The following SVEP1 variants were observed in gnomAD, a reference collection of about 807,000 sequenced individuals.
SVEP1 encodes the protein sushi, von Willebrand factor type A, EGF and pentraxin domain containing 1.
Under a neutral mutation model 367.3 loss-of-function variants are expected in SVEP1, and 164 were observed. The ratio of observed to expected loss-of-function variants is 0.45; its 90% CI spans 0.39 to 0.51. SVEP1 has a LOEUF of 0.51. Ranked by LOEUF, SVEP1 falls within the 20% of genes least tolerant of loss-of-function variation. The probability of loss-of-function intolerance (pLI) is 0.00; values close to 1 mark genes in which losing one functional copy is unlikely to be tolerated. For synonymous variants in SVEP1, 1,666 were observed against 1,611.6 expected, an observed-to-expected ratio of 1.03 and a Z score of -0.81; for missense variants, 4,117 against 4,425.3, an observed-to-expected ratio of 0.93 and a Z score of 1.98.
intron 27 of SVEP1, chr9:110,443,054 T>G (rs1332794099): frequency 3.3e-5 from 5 of 152,388 alleles, no homozygotes; most frequent in Non-Finnish European, 1.5e-5. Context: ...CCATGTACAA[T>G]GCTGAGAACC....
At chr9:110,454,392 G>T (rs1828744438) in intron 22 of SVEP1, among the ~76,000 whole-genome samples, 1 of 152,144 alleles carries the variant, frequency 6.6e-6, no homozygotes, top group Non-Finnish European at 1.5e-5. Flanking sequence ...TATGGTGAAA[G>T]GCTGGGGTTC....
At chr9:110,436,625 C>A in intron 27 of SVEP1, 121 bp from the exon 28 acceptor site, 1 of 1,380,868 alleles carries the variant, frequency 7.2e-7, no homozygotes, top group South Asian at 1.6e-5. Context: ...TACTGAAAAG[C>A]AAAATTCTGT....
At chr9:110,399,581 T>C (rs1437253291) in intron 40 of SVEP1, among the ~76,000 whole-genome samples, 16 of 152,178 alleles carry the variant, frequency 1.1e-4, no homozygotes, top group Admixed American at 1.0e-3. Flanking sequence ...TCACCCAGGC[T>C]GGAGTGCAAT....
intron 47 of SVEP1, among the ~76,000 whole-genome samples, chr9:110,367,569 A>G (rs1827218568): frequency 6.6e-6 from 1 of 151,968 alleles, no homozygotes; most frequent in South Asian, 2.1e-4. Context: ...TCCCCCTCCC[A>G]CTTTCTTTTC....
chr9:110,384,485 C>G (rs1827490276), intron 43 of SVEP1, among the ~76,000 whole-genome samples: 1 of 152,016 alleles, frequency 6.6e-6, no homozygotes, highest in Admixed American at 6.6e-5. Context: ...TGAACCCCTC[C>G]CCGCAAAATA....
chr9:110,579,015 C>A lies in SVEP1; in HGVS notation c.529G>T (p.Ala177Ser). ...TYTKGAFQQA[A>S]QILLHARENS... ...GTCGGGAGGGGCGGGCGCCTTACCG[C>A]GGCTTGCTGGAAGGCGCCCTTGGTG... Residue 177 changes from alanine (A) to serine (S), a missense_variant and splice_region_variant, in exon 1 of 48, where the codon GCG becomes TCG. Physicochemically the swap from Ala to Ser is moderately conservative, Grantham distance 99. Transcript: ENST00000374469. This position sits in a 1 kb window ranked among gnomAD's most constrained non-coding sequence, Gnocchi z 5.3. The A allele has an allele frequency of 6.5e-7, 1 of 1,545,948 alleles. No individual in the cohort carries two copies. The highest frequency in any genetic ancestry group is 8.7e-7 in the Non-Finnish European group (1 of 1,146,324).
chr9:110,527,430 G>A (rs913517553), intron 3 of SVEP1, among the ~76,000 whole-genome samples: 12 of 151,718 alleles, frequency 7.9e-5, no homozygotes, highest in African/African-American at 2.9e-4. Context: ...AAATTAATGA[G>A]GTGAATAGTA....
At chr9:110,555,973 A>C (rs1830352730) in intron 1 of SVEP1, among the ~76,000 whole-genome samples, 1 of 152,232 alleles carries the variant, frequency 6.6e-6, no homozygotes, top group Non-Finnish European at 1.5e-5. Context: ...TTCCTGAAAT[A>C]GTTTACATCA....
intron 43 of SVEP1, among the ~76,000 whole-genome samples, chr9:110,380,951 T>A (rs1827424801): frequency 6.6e-6 from 1 of 152,184 alleles, no homozygotes; most frequent in East Asian, 1.9e-4. Context: ...TATCCAAGGG[T>A]GCATGTGTCC....
At chr9:110,565,208 C>T (rs189797512) in intron 1 of SVEP1, among the ~76,000 whole-genome samples, 5 of 152,214 alleles carry the variant, frequency 3.3e-5, no homozygotes, top group South Asian at 2.1e-4. Flanking sequence ...TGCAGGGGAA[C>T]GCTGAGTAAC....
chr9:110,495,931 A>G (rs1408188596), intron 8 of SVEP1, among the ~76,000 whole-genome samples: 1 of 152,212 alleles, frequency 6.6e-6, no homozygotes, highest in African/African-American at 2.4e-5. Flanking sequence ...AGATAGGTTC[A>G]TAAATAGCAA....
chr9:110,572,789 C>CAAAAAAAAAAAAAAAAAAAAAAAAAAA (rs56077443), intron 1 of SVEP1, among the ~76,000 whole-genome samples: 30 of 76,518 alleles, frequency 3.9e-4, no homozygotes, highest in South Asian at 1.6e-3. Flanking sequence ...CTCTCTCTCA[C>CAAAAAAAAAAAAAAAAAAAAAAAAAAA]AAAAAAAAAA....
chr9:110,512,638 T>C (rs991401235), intron 5 of SVEP1, among the ~76,000 whole-genome samples: 1 of 152,212 alleles, frequency 6.6e-6, no homozygotes, highest in African/African-American at 2.4e-5. Context: ...CTTTATATCA[T>C]GTCTTAGAGG....
At chr9:110,464,263 G>A (rs987403450) in intron 18 of SVEP1, among the ~76,000 whole-genome samples, 4 of 152,194 alleles carry the variant, frequency 2.6e-5, no homozygotes, top group Non-Finnish European at 4.4e-5. Flanking sequence ...CATGGTTTAT[G>A]CGTTTCAGTT....
At chr9:110,398,312 C>A (rs1201738906) in intron 40 of SVEP1, among the ~76,000 whole-genome samples, 1 of 152,118 alleles carries the variant, frequency 6.6e-6, no homozygotes, top group Non-Finnish European at 1.5e-5. Context: ...AAACTGGATC[C>A]CTTCCTTACA....
At chr9:110,464,931 T>C (rs1029077766) in intron 18 of SVEP1, among the ~76,000 whole-genome samples, 3 of 152,202 alleles carry the variant, frequency 2.0e-5, no homozygotes, top group Admixed American at 1.3e-4. Context: ...CCTAATTTCA[T>C]TGTCATTCTA....
At chr9:110,483,192 G>A (rs748720657) in intron 10 of SVEP1, among the ~76,000 whole-genome samples, 2 of 151,976 alleles carry the variant, frequency 1.3e-5, no homozygotes, top group Admixed American at 6.6e-5. Flanking sequence ...ACTTTCTTAT[G>A]ACCTTTTATA....
chr9:110,477,668 C>T (rs1829118012), intron 13 of SVEP1, among the ~76,000 whole-genome samples: 1 of 152,094 alleles, frequency 6.6e-6, no homozygotes, highest in Non-Finnish European at 1.5e-5. Flanking sequence ...AGTACCTGGA[C>T]CTATGCCCTT....
chr9:110,544,943 C>T (rs1830199570), intron 3 of SVEP1, among the ~76,000 whole-genome samples: 2 of 152,108 alleles, frequency 1.3e-5, no homozygotes, highest in Non-Finnish European at 2.9e-5. Context: ...TTCCCAGCCT[C>T]TAGGAAGCAC....
Sources: allele counts gnomAD v4.1 joint callset (sites outside exome capture counted in the v4.1 genomes callset), GRCh38; gene constraint gnomAD v4.1.1; non-coding constraint Gnocchi (gnomAD v3.1); transcripts MANE v1.5; gene names NCBI Gene and HGNC (gene_info 2026-07-23, HGNC 2026-07-21).